Variants in DHX15 observed in about 807,000 individuals in gnomAD.
DHX15 encodes DEAH-box helicase 15, also known as ATP-dependent RNA helicase DHX15.
DHX15 carries 11 observed loss-of-function variants against 94.4 expected under a neutral mutation model. The ratio of observed to expected loss-of-function variants is 0.12; its 90% CI spans 0.07 to 0.19. The LOEUF (loss-of-function observed/expected upper bound fraction) is 0.19. Ranked by LOEUF, DHX15 falls within the 10% of genes least tolerant of loss-of-function variation. The pLI, the probability that DHX15 is intolerant of heterozygous loss-of-function variation, is 1.00. For synonymous variants in DHX15, 338 were observed against 329.9 expected, an observed-to-expected ratio of 1.02 and a Z score of -0.27; for missense variants, 304 against 988.5, an observed-to-expected ratio of 0.31 and a Z score of 9.29.
intron 8 of DHX15, among the ~76,000 whole-genome samples, chr4:24,541,259 A>C (rs573004538): frequency 6.6e-6 from 1 of 152,274 alleles, no homozygotes; most frequent in South Asian, 2.1e-4. Flanking sequence ...AAAAATTTTA[A>C]AGATTCCAGA....
chr4:24,527,834 C>A lies in DHX15; in HGVS notation c.*90G>T. 3 of 821,824 alleles carry A rather than the reference C, an allele frequency of 3.7e-6. No homozygotes were observed. In the Admixed American group the frequency reaches 6.3e-5, roughly 17 times the overall value. 50.9% of individuals were successfully genotyped at this position (821,824 alleles called of 1,614,324 possible). ...AAAGCTTTCAAATAAAGGCCATTATCGAACCAACGTGAAGAGCACAACTCG... is the reference window on the plus strand; with the variant it reads ...AAAGCTTTCAAATAAAGGCCATTATAGAACCAACGTGAAGAGCACAACTCG... On this transcript the variant is annotated 3_prime_UTR_variant, in exon 14 of 14. Transcript: ENST00000336812.
intron 12 of DHX15, among the ~76,000 whole-genome samples, chr4:24,532,334 T>C (rs1357910009): frequency 6.6e-6 from 1 of 152,248 alleles, no homozygotes; most frequent in African/African-American, 2.4e-5. Context: ...CAATGATCAC[T>C]CTGTAGAGGA....
intron 3 of DHX15, among the ~76,000 whole-genome samples, chr4:24,569,375 G>A (rs1385697922): frequency 6.6e-6 from 1 of 152,020 alleles, no homozygotes; most frequent in Non-Finnish European, 1.5e-5. Flanking sequence ...GGCGGATCAT[G>A]AGGTCAGGAG....
chr4:24,534,015 A>G (rs1486509477), intron 11 of DHX15: 3 of 152,232 alleles, frequency 2.0e-5, no homozygotes, highest in South Asian at 4.1e-4. Context: ...TAACAAATAT[A>G]TAAGTACATT....
intron 3 of DHX15, among the ~76,000 whole-genome samples, chr4:24,561,963 C>T (rs1466630277): frequency 6.6e-6 from 1 of 151,894 alleles, no homozygotes; most frequent in Non-Finnish European, 1.5e-5. Context: ...AATCCCATCT[C>T]TACCAAAAAA....
intron 12 of DHX15, among the ~76,000 whole-genome samples, chr4:24,531,090 ATT>A (rs368953985): frequency 2.2e-4 from 31 of 142,956 alleles, no homozygotes; most frequent in Non-Finnish European, 2.2e-4. Context: ...AGTTTCATCA[ATT>A]TTTTTTTTTT....
chr4:24,537,314 T>C lies in DHX15; in HGVS notation c.1787-141A>G, dbSNP rs1721217100. 1 of 1,079,308 alleles carries C rather than the reference T, an allele frequency of 9.3e-7. No individual in the cohort carries two copies. The highest frequency in any genetic ancestry group is 1.3e-6 in the Non-Finnish European group (1 of 772,418). The allele number at this position is 1,079,308 out of a possible 1,614,324, so 66.9% of individuals were successfully genotyped here. ...TGGCCTCCAACTGCATCTTGGATTG[T>C]TTACTACCTTGATTTGGTACATCAA... On this transcript the variant is annotated intron_variant, in intron 10 of 13. Transcript: ENST00000336812. This position sits in a 1 kb window ranked among gnomAD's most constrained non-coding sequence, Gnocchi z 4.7.
rs534826003 is a variant in DHX15 at position 24,574,077 on chromosome 4, G to A, written c.507+2166C>T. 5.2e-3 allele frequency among the ~76,000 whole-genome samples: 777 copies of A among 150,658 alleles called. 7 individuals are homozygous for A. The highest frequency in any genetic ancestry group is 0.018 in the African/African-American group (726 of 41,056). On this transcript the variant is annotated intron_variant, in intron 2 of 13. Coordinates refer to ENST00000336812, the MANE Select transcript of DHX15 (RefSeq NM_001358.3). ...AAAAAATAGCCAGGCATGGTGGTGC[G>A]CGCTTGTAGTCCCAGCTACTCAGGA...
Position 24,537,210 on chromosome 4 carries a change from A to G in DHX15, c.1787-37T>C, listed in dbSNP as rs1212270288. On this transcript the variant is annotated intron_variant, in intron 10 of 13. Coordinates refer to ENST00000336812, the MANE Select transcript of DHX15 (RefSeq NM_001358.3). This position sits in a 1 kb window ranked among gnomAD's most constrained non-coding sequence, Gnocchi z 4.7. ...TGGTATGGGCCCAACACAAACGCCC[A>G]TATCGATGAGTCACGCATTCACAGA... 2.5e-6 allele frequency: 4 copies of G among 1,612,342 alleles called. No individual in the cohort carries two copies. The highest frequency in any genetic ancestry group is 2.5e-6 in the Non-Finnish European group (3 of 1,179,004).
At chr4:24,547,135 A>ACAT (rs1160372307) in intron 6 of DHX15, among the ~76,000 whole-genome samples, 2 of 152,200 alleles carry the variant, frequency 1.3e-5, no homozygotes, top group Admixed American at 6.5e-5. Flanking sequence ...CAGGGAAGCT[A>ACAT]CATCAGTGCT....
At chr4:24,571,512 C>T (rs993157017) in intron 2 of DHX15, among the ~76,000 whole-genome samples, 13 of 152,196 alleles carry the variant, frequency 8.5e-5, no homozygotes, top group African/African-American at 2.7e-4. Flanking sequence ...GTTGCCATGA[C>T]GGCAGTACAT....
Position 24,572,916 on chromosome 4 carries a change from G to GT in DHX15, c.508-2070dup, listed in dbSNP as rs552011506. 2.3e-3 allele frequency among the ~76,000 whole-genome samples: 348 copies of GT among 151,982 alleles called. 2 individuals are homozygous for GT. Among genetic ancestry groups the GT allele is most frequent in the African/African-American group, 8.0e-3 (331 of 41,446 alleles). ...TTCAAGCCAGGGATCCGGCTTTTTT[G>GT]TTTTTTTCTTTTAAGACGGAGTTTC... On this transcript the variant is annotated intron_variant, in intron 2 of 13. Transcript: ENST00000336812.
intron 3 of DHX15, among the ~76,000 whole-genome samples, chr4:24,565,422 A>G (rs372200848): frequency 2.0e-5 from 3 of 152,230 alleles, no homozygotes; most frequent in Non-Finnish European, 4.4e-5. Flanking sequence ...TAAGAGTCCA[A>G]TAAAATTACC....
At chr4:24,553,798 A>G (rs1006910005) in intron 5 of DHX15, among the ~76,000 whole-genome samples, 19 of 152,112 alleles carry the variant, frequency 1.2e-4, no homozygotes, top group African/African-American at 4.6e-4. Context: ...CCCCAAAAAG[A>G]AAAAGAAAAA....
At chr4:24,528,913 CA>C (rs201161526) in intron 13 of DHX15, among the ~76,000 whole-genome samples, 28 of 147,894 alleles carry the variant, frequency 1.9e-4, no homozygotes, top group African/African-American at 5.0e-4. Context: ...CAAAACAAAA[CA>C]AAAAAAAACA....
rs1004744748 is a variant in DHX15 at position 24,547,939 on chromosome 4, A to C, written c.1248+916T>G. On this transcript the variant is annotated intron_variant, in intron 6 of 13. Coordinates refer to ENST00000336812, the MANE Select transcript of DHX15 (RefSeq NM_001358.3). ...TATATATATATATATATATATATAT[A>C]TATCTATATCTATATCTATATCTAT... 2.5e-3 allele frequency among the ~76,000 whole-genome samples: 68 copies of C among 27,152 alleles called. 1 individual carries two copies. The highest frequency in any genetic ancestry group is 6.0e-3 in the Admixed American group (10 of 1,670). The allele number at this position is 27,152 out of a possible 152,430, so 17.8% of individuals were successfully genotyped here. A position where few individuals can be genotyped will look rare whatever the true frequency, so the allele number is the denominator to read the frequency against.
chr4:24,528,261 TA>T (rs1185731190), intron 13 of DHX15, among the ~76,000 whole-genome samples: 1 of 152,174 alleles, frequency 6.6e-6, no homozygotes, highest in African/African-American at 2.4e-5. Flanking sequence ...ATGTTGGACT[TA>T]CCATAAACTT....
chr4:24,535,085 A>G (rs994148971), intron 11 of DHX15, among the ~76,000 whole-genome samples: 1 of 152,028 alleles, frequency 6.6e-6, no homozygotes, highest in African/African-American at 2.4e-5. Flanking sequence ...CAAACCCCTA[A>G]AAACCACCAA....
At chr4:24,545,590 T>C (rs1721405229) in intron 6 of DHX15, among the ~76,000 whole-genome samples, 1 of 152,138 alleles carries the variant, frequency 6.6e-6, no homozygotes, top group Admixed American at 6.5e-5. Flanking sequence ...TAGGCCTTTC[T>C]CAAGGACTAA....
Sources: allele counts gnomAD v4.1 joint callset (sites outside exome capture counted in the v4.1 genomes callset), GRCh38; gene constraint gnomAD v4.1.1; non-coding constraint Gnocchi (gnomAD v3.1); transcripts MANE v1.5; gene names NCBI Gene and HGNC (gene_info 2026-07-23, HGNC 2026-07-21).